Variants in UGT8 observed in about 807,000 individuals in gnomAD.
UGT8 encodes UDP glycosyltransferase 8, also known as 2-hydroxyacylsphingosine 1-beta-galactosyltransferase.
UGT8 carries 12 observed loss-of-function variants against 40.5 expected under a neutral mutation model. That is an observed-to-expected ratio of 0.30 (90% CI 0.19 to 0.48). UGT8 has a LOEUF of 0.48. UGT8 is among the 20% of genes least tolerant of loss of function. The probability of loss-of-function intolerance (pLI) is 0.99; values close to 1 mark genes in which losing one functional copy is unlikely to be tolerated. For synonymous variants in UGT8, 224 were observed against 240.4 expected, an observed-to-expected ratio of 0.93 and a Z score of 0.63; for missense variants, 513 against 648.7, an observed-to-expected ratio of 0.79 and a Z score of 2.27.
chr4:114,621,264 A>C (rs916162271), intron 1 of UGT8, among the ~76,000 whole-genome samples: 13 of 152,160 alleles, frequency 8.5e-5, no homozygotes, highest in African/African-American at 2.9e-4. Context: ...ATAATCATTC[A>C]TCAGTCCTTT....
At chr4:114,642,090 A>G (rs565447356) in intron 2 of UGT8, among the ~76,000 whole-genome samples, 2 of 152,318 alleles carry the variant, frequency 1.3e-5, no homozygotes, top group Non-Finnish European at 2.9e-5. Context: ...TAGATGCTTA[A>G]CAGCCTCCTC....
chr4:114,644,189 T>C (rs993380002), intron 2 of UGT8, among the ~76,000 whole-genome samples: 5 of 152,176 alleles, frequency 3.3e-5, no homozygotes, highest in Admixed American at 6.6e-5. Flanking sequence ...AAAGTTTCCT[T>C]ATATTTTTCA....
chr4:114,627,830 A>G (rs1365261735), intron 2 of UGT8, among the ~76,000 whole-genome samples: 1 of 152,188 alleles, frequency 6.6e-6, no homozygotes, highest in East Asian at 1.9e-4. Flanking sequence ...TAGCACTTTA[A>G]CTACTGTTTG....
chr4:114,614,639 T>A (rs1331328932), intron 1 of UGT8, among the ~76,000 whole-genome samples: 1 of 148,210 alleles, frequency 6.7e-6, no homozygotes, highest in African/African-American at 2.5e-5. Flanking sequence ...CATTCAGCAT[T>A]TTTCAGTTTT....
At chr4:114,604,155 T>C (rs1053617865) in intron 1 of UGT8, among the ~76,000 whole-genome samples, 6 of 152,140 alleles carry the variant, frequency 3.9e-5, no homozygotes, top group Non-Finnish European at 8.8e-5. Context: ...TGCATTGTGT[T>C]TAAAAAGCAC....
intron 2 of UGT8, among the ~76,000 whole-genome samples, chr4:114,661,202 G>A (rs931217726): frequency 3.1e-4 from 47 of 152,250 alleles, no homozygotes; most frequent in African/African-American, 1.1e-3. Context: ...ATTTGACCAG[G>A]AGCAGAAGAT....
chr4:114,631,991 T>C (rs1346487697), intron 2 of UGT8, among the ~76,000 whole-genome samples: 1 of 152,218 alleles, frequency 6.6e-6, no homozygotes, highest in Non-Finnish European at 1.5e-5. Flanking sequence ...CTTTAAGATA[T>C]AGATCTAAAT....
At chr4:114,673,916 A>G (rs1735456942) in intron 5 of UGT8, among the ~76,000 whole-genome samples, 1 of 152,168 alleles carries the variant, frequency 6.6e-6, no homozygotes. Flanking sequence ...TTTTAATACA[A>G]CTAGATTTAT....
chr4:114,673,097 G>A (rs1043493484), intron 5 of UGT8, among the ~76,000 whole-genome samples: 15 of 152,176 alleles, frequency 9.9e-5, no homozygotes, highest in Non-Finnish European at 1.8e-4. Context: ...CCCTTACAAG[G>A]TAATTGTTTT....
chr4:114,631,600 G>A (rs984038302), intron 2 of UGT8, among the ~76,000 whole-genome samples: 5 of 152,066 alleles, frequency 3.3e-5, no homozygotes, highest in African/African-American at 9.7e-5. Context: ...AATTCCTGTC[G>A]GCACGTGATT....
At chr4:114,664,551 T>G (rs928804978) in intron 3 of UGT8, among the ~76,000 whole-genome samples, 4 of 152,214 alleles carry the variant, frequency 2.6e-5, no homozygotes, top group African/African-American at 9.6e-5. Flanking sequence ...TAAAATACCG[T>G]GGACTCTTTT....
chr4:114,641,062 T>C (rs147623440), intron 2 of UGT8, among the ~76,000 whole-genome samples: 31 of 152,334 alleles, frequency 2.0e-4, no homozygotes, highest in African/African-American at 5.8e-4. Context: ...GCATGTGCTG[T>C]GTTCAAAAAA....
chr4:114,641,632 A>G (rs1444189051), intron 2 of UGT8, among the ~76,000 whole-genome samples: 1 of 152,204 alleles, frequency 6.6e-6, no homozygotes, highest in African/African-American at 2.4e-5. Flanking sequence ...ATATTTATTG[A>G]TTCATAAAGC....
intron 2 of UGT8, among the ~76,000 whole-genome samples, chr4:114,663,529 A>G (rs1734677538): frequency 2.6e-5 from 4 of 152,064 alleles, no homozygotes; most frequent in Admixed American, 1.3e-4. Context: ...TAAGGATGGT[A>G]TTTCTTAAAA....
At chr4:114,611,478 A>G (rs1452154341) in intron 1 of UGT8, among the ~76,000 whole-genome samples, 10 of 141,708 alleles carry the variant, frequency 7.1e-5, no homozygotes, top group Non-Finnish European at 1.4e-4. Flanking sequence ...GATATATATA[A>G]TATCTATATT....
chr4:114,669,410 A>G (rs932741287), intron 5 of UGT8, among the ~76,000 whole-genome samples: 1 of 151,834 alleles, frequency 6.6e-6, no homozygotes, highest in East Asian at 1.9e-4. Flanking sequence ...ATATATATGC[A>G]CACATACATA....
At chr4:114,602,505 A>C (rs1730500745) in intron 1 of UGT8, among the ~76,000 whole-genome samples, 1 of 152,206 alleles carries the variant, frequency 6.6e-6, no homozygotes, top group Non-Finnish European at 1.5e-5. Flanking sequence ...TATCTCCTTA[A>C]TCTGAAGCAT....
intron 2 of UGT8, among the ~76,000 whole-genome samples, chr4:114,644,311 G>A (rs1560692276): frequency 1.3e-5 from 2 of 152,100 alleles, no homozygotes; most frequent in South Asian, 2.1e-4. Flanking sequence ...ACCAGATTAG[G>A]AATATCTGAT....
intron 2 of UGT8, among the ~76,000 whole-genome samples, chr4:114,643,188 A>G (rs1350812594): frequency 6.6e-6 from 1 of 152,166 alleles, no homozygotes; most frequent in East Asian, 1.9e-4. Context: ...CAATGTCTGG[A>G]TGCGGGTCAA....
Sources: allele counts gnomAD v4.1 joint callset (sites outside exome capture counted in the v4.1 genomes callset), GRCh38; gene constraint gnomAD v4.1.1; transcripts MANE v1.5; gene names NCBI Gene and HGNC (gene_info 2026-07-23, HGNC 2026-07-21).